The following RAB38 variants were observed in gnomAD, a reference collection of about 807,000 sequenced individuals.
RAB38 encodes RAB38, member RAS oncogene family, also known as ras-related protein Rab-38.
Under a neutral mutation model 18.4 loss-of-function variants are expected in RAB38, and 15 were observed. That is an observed-to-expected ratio of 0.82 (90% CI 0.55 to 1.26). The LOEUF (loss-of-function observed/expected upper bound fraction) is 1.26. RAB38 is among the 50% of genes most tolerant of loss of function. The probability of loss-of-function intolerance (pLI) is 0.00; values close to 1 mark genes in which losing one functional copy is unlikely to be tolerated. For synonymous variants in RAB38, 101 were observed against 104.4 expected (o/e 0.97, Z 0.20); for missense variants, 294 against 267.4 (o/e 1.10, Z -0.69).
the RAB38 span, among the ~76,000 whole-genome samples, chr11:88,016,322 C>T: frequency 3.3e-5 from 5 of 152,032 alleles, no homozygotes; most frequent in African/African-American, 1.2e-4. Context: ...ATGAGACAAC[C>T]TATTTCAACA....
the RAB38 span, among the ~76,000 whole-genome samples, chr11:88,031,935 C>A: frequency 6.6e-6 from 1 of 151,434 alleles, no homozygotes; most frequent in African/African-American, 2.4e-5. Flanking sequence ...AATCCTAAGC[C>A]AAAAGAACAA....
chr11:88,030,418 C>T, the RAB38 span, among the ~76,000 whole-genome samples: 1 of 152,052 alleles, frequency 6.6e-6, no homozygotes, highest in African/African-American at 2.4e-5. Flanking sequence ...AAAAACTCTT[C>T]AAAAAATTAT....
At chr11:88,105,209 T>C in the RAB38 span, among the ~76,000 whole-genome samples, 1 of 128,234 alleles carries the variant, frequency 7.8e-6, no homozygotes, top group Admixed American at 8.4e-5. Context: ...ACATTATTTA[T>C]TCCAAAAAAG....
the RAB38 span, among the ~76,000 whole-genome samples, chr11:88,005,196 A>C: frequency 6.6e-6 from 1 of 151,522 alleles, no homozygotes; most frequent in Non-Finnish European, 1.5e-5. Context: ...CTTGGAAAAT[A>C]GGAATAAACT....
the RAB38 span, among the ~76,000 whole-genome samples, chr11:88,013,954 G>A: frequency 3.3e-5 from 5 of 152,250 alleles, no homozygotes; most frequent in African/African-American, 1.2e-4. Context: ...AGCAGCAGCA[G>A]CAGCACTAGT....
At chr11:88,164,416 A>G (rs61901583) in intron 1 of RAB38, among the ~76,000 whole-genome samples, 37,828 of 151,914 alleles carry the variant, frequency 0.25, 4,750 homozygotes, top group Admixed American at 0.27. Context: ...ATGTCATTAT[A>G]TCTGTTTGAA....
the RAB38 span, among the ~76,000 whole-genome samples, chr11:87,897,993 A>C: frequency 6.6e-6 from 1 of 151,576 alleles, no homozygotes. Flanking sequence ...GGCTCTATAA[A>C]TATCTATTTT....
chr11:87,864,565 T>C, the RAB38 span, among the ~76,000 whole-genome samples: 1 of 151,628 alleles, frequency 6.6e-6, no homozygotes, highest in African/African-American at 2.4e-5. Flanking sequence ...ATATGAATTA[T>C]CTTACTTTTT....
chr11:87,884,141 C>T, the RAB38 span, among the ~76,000 whole-genome samples: 1 of 151,894 alleles, frequency 6.6e-6, no homozygotes, highest in African/African-American at 2.4e-5. Context: ...ATCATCTATC[C>T]TTATCTTTAG....
At chr11:88,045,837 C>G in the RAB38 span, among the ~76,000 whole-genome samples, 2 of 152,122 alleles carry the variant, frequency 1.3e-5, no homozygotes, top group Non-Finnish European at 2.9e-5. Flanking sequence ...CGGGTATTGA[C>G]GGCCAGGCTT....
the RAB38 span, among the ~76,000 whole-genome samples, chr11:87,932,087 C>G: frequency 6.6e-6 from 1 of 151,858 alleles, no homozygotes; most frequent in Non-Finnish European, 1.5e-5. Flanking sequence ...CACCCCAAGC[C>G]TACCAGCTAT....
At chr11:88,089,383 T>A in the RAB38 span, among the ~76,000 whole-genome samples, 1 of 148,514 alleles carries the variant, frequency 6.7e-6, no homozygotes, top group Non-Finnish European at 1.5e-5. Flanking sequence ...AGTCTGAGGT[T>A]TCAATGCTGC....
the RAB38 span, among the ~76,000 whole-genome samples, chr11:88,086,789 G>T: frequency 6.6e-6 from 1 of 151,884 alleles, no homozygotes; most frequent in Non-Finnish European, 1.5e-5. Context: ...CTGGTGTTAA[G>T]TCCTATGCTC....
the RAB38 span, among the ~76,000 whole-genome samples, chr11:87,959,647 G>C: frequency 6.6e-6 from 1 of 152,138 alleles, no homozygotes; most frequent in Non-Finnish European, 1.5e-5. Context: ...AAATATCCAG[G>C]TTCTCACCAA....
the RAB38 span, among the ~76,000 whole-genome samples, chr11:87,867,028 G>C: frequency 1.3e-3 from 205 of 151,912 alleles, 1 homozygote; most frequent in African/African-American, 4.8e-3. Context: ...TTTGAAATCA[G>C]TTATGATGAT....
chr11:87,910,628 A>ATTTTTTTTTT, the RAB38 span, among the ~76,000 whole-genome samples: 2 of 74,194 alleles, frequency 2.7e-5, no homozygotes, highest in African/African-American at 1.2e-4. Context: ...TTCAAAGTTC[A>ATTTTTTTTTT]TTTTCTTTTT....
chr11:87,961,289 C>A, the RAB38 span, among the ~76,000 whole-genome samples: 1 of 152,116 alleles, frequency 6.6e-6, no homozygotes, highest in African/African-American at 2.4e-5. Context: ...GGACTAACCT[C>A]AGAACATCAT....
At chr11:88,100,716 T>C in the RAB38 span, among the ~76,000 whole-genome samples, 3 of 151,958 alleles carry the variant, frequency 2.0e-5, no homozygotes, top group Admixed American at 1.3e-4. Context: ...TTGTTGAAAA[T>C]TGTAATAACA....
chr11:87,915,586 T>A, the RAB38 span, among the ~76,000 whole-genome samples: 1 of 152,100 alleles, frequency 6.6e-6, no homozygotes, highest in South Asian at 2.1e-4. Flanking sequence ...GTTCTGGGAA[T>A]TGCCCACCCC....
Sources: allele counts gnomAD v4.1 joint callset (sites outside exome capture counted in the v4.1 genomes callset), GRCh38; gene constraint gnomAD v4.1.1; transcripts MANE v1.5; gene names NCBI Gene and HGNC (gene_info 2026-07-23, HGNC 2026-07-21).